LRRC4C: variants seen among roughly 807,000 people sequenced by gnomAD.
LRRC4C encodes the protein leucine rich repeat containing 4C, also known as leucine-rich repeat-containing protein 4C.
Under a neutral mutation model 33.6 loss-of-function variants are expected in LRRC4C, and 5 were observed. That is an observed-to-expected ratio of 0.15 (90% CI 0.08 to 0.31). The LOEUF (loss-of-function observed/expected upper bound fraction) is 0.31. LRRC4C is among the 10% of genes least tolerant of loss of function. LRRC4C has a pLI of 1.00. For missense variants in LRRC4C, 560 were observed against 796.7 expected (o/e 0.70, Z 3.58); for synonymous variants, 329 against 302.0 (o/e 1.09, Z -0.93).
chr11:40,917,489 A>T (rs886592590), intron 2 of LRRC4C, among the ~76,000 whole-genome samples: 1 of 152,114 alleles, frequency 6.6e-6, no homozygotes, highest in African/African-American at 2.4e-5. Context: ...TCAACTTATA[A>T]AAGAACCTAG....
chr11:40,865,614 A>G (rs1185647039), intron 2 of LRRC4C, among the ~76,000 whole-genome samples: 1 of 151,588 alleles, frequency 6.6e-6, no homozygotes, highest in East Asian at 1.9e-4. Context: ...TTGTAATAAA[A>G]ATATAAATAA....
intron 2 of LRRC4C, among the ~76,000 whole-genome samples, chr11:40,913,536 A>G (rs1026580438): frequency 3.3e-5 from 5 of 152,198 alleles, no homozygotes; most frequent in African/African-American, 4.8e-5. Context: ...TCTCTGGGAC[A>G]CATTCAAAGC....
intron 1 of LRRC4C, among the ~76,000 whole-genome samples, chr11:41,150,447 G>T (rs1035369259): frequency 6.6e-6 from 1 of 152,046 alleles, no homozygotes; most frequent in African/African-American, 2.4e-5. Context: ...TCCGATTTTT[G>T]CTTGGGCATG....
chr11:40,824,475 C>A (rs1022996531), intron 2 of LRRC4C, among the ~76,000 whole-genome samples: 1 of 151,830 alleles, frequency 6.6e-6, no homozygotes, highest in Admixed American at 6.6e-5. Context: ...GCAGAAAAGG[C>A]ATCTTACAGT....
intron 1 of LRRC4C, among the ~76,000 whole-genome samples, chr11:41,189,296 T>C (rs1455598166): frequency 6.6e-6 from 1 of 152,090 alleles, no homozygotes; most frequent in East Asian, 1.9e-4. Flanking sequence ...TCTGAGGAAG[T>C]GGCAGTTAAG....
intron 1 of LRRC4C, among the ~76,000 whole-genome samples, chr11:41,347,950 A>G (rs777308040): frequency 2.0e-5 from 3 of 152,360 alleles, no homozygotes; most frequent in East Asian, 3.9e-4. Flanking sequence ...TCCCAAGGAC[A>G]TAAGAGTAGC....
chr11:41,311,028 C>T (rs891475408), intron 1 of LRRC4C, among the ~76,000 whole-genome samples: 1 of 152,152 alleles, frequency 6.6e-6, no homozygotes, highest in African/African-American at 2.4e-5. Flanking sequence ...AGTGCCTAGG[C>T]ATTTGATTCG....
intron 1 of LRRC4C, among the ~76,000 whole-genome samples, chr11:41,007,951 A>G (rs1404814993): frequency 6.6e-6 from 1 of 152,050 alleles, no homozygotes; most frequent in African/African-American, 2.4e-5. Context: ...ACTTAAATCC[A>G]ATCTCCATCT....
At chr11:40,199,454 G>T (rs1245002367) in intron 5 of LRRC4C, among the ~76,000 whole-genome samples, 1 of 152,100 alleles carries the variant, frequency 6.6e-6, no homozygotes, top group Admixed American at 6.6e-5. Context: ...TAACAATAAG[G>T]TTTTTGTTTT....
At chr11:41,402,721 T>C (rs1954071557) in intron 1 of LRRC4C, among the ~76,000 whole-genome samples, 1 of 151,630 alleles carries the variant, frequency 6.6e-6, no homozygotes, top group Non-Finnish European at 1.5e-5. Flanking sequence ...GAAGAAGAAC[T>C]CCAGACAGAG....
At chr11:41,075,021 T>TC (rs202083487) in intron 1 of LRRC4C, among the ~76,000 whole-genome samples, 2 of 36,774 alleles carry the variant, frequency 5.4e-5, no homozygotes, top group East Asian at 4.5e-4. Context: ...TTTCTTTTTT[T>TC]TTTTTTTTTT....
chr11:40,340,176 C>A (rs1366883894), intron 3 of LRRC4C, among the ~76,000 whole-genome samples: 1 of 152,244 alleles, frequency 6.6e-6, no homozygotes, highest in Non-Finnish European at 1.5e-5. Context: ...ACTTCATATC[C>A]TATTTTCCAG....
intron 2 of LRRC4C, among the ~76,000 whole-genome samples, chr11:40,699,078 A>G (rs1334053279): frequency 2.6e-5 from 4 of 152,158 alleles, no homozygotes; most frequent in Admixed American, 2.0e-4. Context: ...CACCACACAC[A>G]TACATAACTC....
chr11:41,380,601 C>T (rs975248058), intron 1 of LRRC4C, among the ~76,000 whole-genome samples: 1 of 151,986 alleles, frequency 6.6e-6, no homozygotes, highest in Non-Finnish European at 1.5e-5. Context: ...TTATAAGAAA[C>T]ACCTATTAAA....
intron 3 of LRRC4C, among the ~76,000 whole-genome samples, chr11:40,645,530 C>G (rs931571): frequency 6.6e-6 from 1 of 152,100 alleles, no homozygotes; most frequent in Admixed American, 6.5e-5. Context: ...CTGACAATGT[C>G]GCCCTGTTTA....
rs143169471 is a variant in LRRC4C at position 41,302,622 on chromosome 11, CTGT to C, written c.-496+156806_-496+156808del. Among the ~76,000 whole-genome samples, 9 of 152,254 alleles carry C rather than the reference CTGT, an allele frequency of 5.9e-5. No homozygotes were observed. In the East Asian group the frequency reaches 1.7e-3, roughly 29 times the overall value. On this transcript the variant is annotated intron_variant, in intron 1 of 6. Coordinates refer to ENST00000528697, the MANE Select transcript of LRRC4C (RefSeq NM_001258419.2). ...AAAAATAACAGAAGAGATTTCTATT[CTGT>C]TGTCAGATTAAATTTCATATTGAAC...
chr11:40,324,831 G>A (rs1229302759), intron 3 of LRRC4C, among the ~76,000 whole-genome samples: 1 of 152,174 alleles, frequency 6.6e-6, no homozygotes, highest in African/African-American at 2.4e-5. Context: ...GTAAGCTTTG[G>A]ATTGGGGATT....
intron 3 of LRRC4C, among the ~76,000 whole-genome samples, chr11:40,514,796 A>T (rs930057870): frequency 6.6e-6 from 1 of 152,170 alleles, no homozygotes; most frequent in South Asian, 2.1e-4. Context: ...CAATACAATC[A>T]TCTAAAAGTT....
intron 2 of LRRC4C, among the ~76,000 whole-genome samples, chr11:40,735,318 C>A (rs1488996796): frequency 6.6e-6 from 1 of 151,206 alleles, no homozygotes; most frequent in Non-Finnish European, 1.5e-5. Context: ...CCACTCCCCC[C>A]ACCCCACAAC....
Sources: gnomAD v4.1 joint callset for allele counts (sites outside exome capture counted in the v4.1 genomes callset) on GRCh38, gnomAD v4.1.1 for gene constraint, MANE v1.5 for transcripts, NCBI Gene and HGNC (gene_info 2026-07-23, HGNC 2026-07-21) for gene names.